Variants in LDB2 observed in about 807,000 individuals in gnomAD.
The protein encoded by LDB2 is LIM domain binding 2, also known as LIM domain-binding protein 2.
LDB2 carries 12 observed loss-of-function variants against 44.3 expected under a neutral mutation model. That is an observed-to-expected ratio of 0.27 (90% confidence interval 0.17 to 0.44). The LOEUF (loss-of-function observed/expected upper bound fraction) is 0.44. Ranked by LOEUF, LDB2 falls within the 20% of genes least tolerant of loss-of-function variation. The probability of loss-of-function intolerance (pLI) is 1.00; values close to 1 mark genes in which losing one functional copy is unlikely to be tolerated. For missense variants in LDB2, 344 were observed against 473.5 expected (o/e 0.73, Z 2.54); for synonymous variants, 164 against 174.8 (o/e 0.94, Z 0.49).
chr4:16,644,636 G>A (rs1736178962), intron 2 of LDB2, among the ~76,000 whole-genome samples: 1 of 151,974 alleles, frequency 6.6e-6, no homozygotes, highest in Non-Finnish European at 1.5e-5. Flanking sequence ...CACCATGTTG[G>A]CCAGGCTAGT....
intron 5 of LDB2, among the ~76,000 whole-genome samples, chr4:16,584,774 G>A (rs572876962): frequency 4.2e-4 from 64 of 152,198 alleles, no homozygotes; most frequent in Non-Finnish European, 3.4e-4. Context: ...ACCACAAGGT[G>A]AAAGTCAACC....
intron 2 of LDB2, chr4:16,674,440 A>G (rs547193114): frequency 4.7e-6 from 2 of 425,102 alleles, no homozygotes; most frequent in African/African-American, 4.1e-5. Flanking sequence ...CCCATCATTC[A>G]TTGAGTGTCC....
chr4:16,763,570 G>A (rs1768474307), intron 1 of LDB2, among the ~76,000 whole-genome samples: 1 of 152,078 alleles, frequency 6.6e-6, no homozygotes, highest in African/African-American at 2.4e-5. Context: ...ATTACTAAGT[G>A]TTGGGTATAG....
chr4:16,805,530 GGTCCACTTT>G (rs1778618286), intron 1 of LDB2, among the ~76,000 whole-genome samples: 1 of 152,154 alleles, frequency 6.6e-6, no homozygotes, highest in African/African-American at 2.4e-5. Flanking sequence ...ACAGGCTCAT[GGTCCACTTT>G]CTTGATTGGA....
chr4:16,896,250 C>T (rs934149677), intron 1 of LDB2, among the ~76,000 whole-genome samples: 1 of 152,134 alleles, frequency 6.6e-6, no homozygotes, highest in Non-Finnish European at 1.5e-5. Flanking sequence ...AGAGCTAAAT[C>T]TTTAAAAGTA....
At chr4:16,658,544 A>T (rs1307906010) in intron 2 of LDB2, among the ~76,000 whole-genome samples, 1 of 150,708 alleles carries the variant, frequency 6.6e-6, no homozygotes, top group Non-Finnish European at 1.5e-5. Context: ...TCTAGATCTG[A>T]TTTTTTTTTT....
intron 1 of LDB2, among the ~76,000 whole-genome samples, chr4:16,836,334 T>C (rs1784880009): frequency 6.6e-6 from 1 of 152,150 alleles, no homozygotes; most frequent in African/African-American, 2.4e-5. Context: ...AGGATAAACA[T>C]GGATAATGGG....
intron 1 of LDB2, among the ~76,000 whole-genome samples, chr4:16,874,756 G>C (rs554211736): frequency 6.6e-6 from 1 of 152,172 alleles, no homozygotes; most frequent in Non-Finnish European, 1.5e-5. Flanking sequence ...GTTATACTAC[G>C]TGGAAAATCG....
intron 2 of LDB2, among the ~76,000 whole-genome samples, chr4:16,663,155 T>C (rs1379682667): frequency 6.6e-6 from 1 of 152,136 alleles, no homozygotes; most frequent in East Asian, 1.9e-4. Context: ...CATATGGAAT[T>C]TTTCTGGGCA....
intron 2 of LDB2, among the ~76,000 whole-genome samples, chr4:16,599,113 CTGT>C (rs1721869857): frequency 6.6e-6 from 1 of 152,096 alleles, no homozygotes. Flanking sequence ...TATTAGTTTC[CTGT>C]TGTTGCTGTA....
At chr4:16,825,174 C>T (rs1782824361) in intron 1 of LDB2, among the ~76,000 whole-genome samples, 2 of 152,096 alleles carry the variant, frequency 1.3e-5, no homozygotes, top group South Asian at 2.1e-4. Flanking sequence ...AAGGAAGCGA[C>T]CTGTTTCATA....
chr4:16,638,433 G>A (rs1734212476), intron 2 of LDB2, among the ~76,000 whole-genome samples: 1 of 152,216 alleles, frequency 6.6e-6, no homozygotes, highest in African/African-American at 2.4e-5. Flanking sequence ...GAGCTTAGAA[G>A]TCACCTTGTC....
chr4:16,779,615 T>C (rs1223168621), intron 1 of LDB2, among the ~76,000 whole-genome samples: 1 of 152,138 alleles, frequency 6.6e-6, no homozygotes, highest in Non-Finnish European at 1.5e-5. Context: ...TCCTCATATA[T>C]TTGAAGGACA....
chr4:16,856,111 G>C (rs1025323633), intron 1 of LDB2, among the ~76,000 whole-genome samples: 1 of 152,018 alleles, frequency 6.6e-6, no homozygotes, highest in Non-Finnish European at 1.5e-5. Flanking sequence ...ACAAATCAGC[G>C]GAGTGAATGC....
rs1212179463 is a variant in LDB2, at chr4:16,501,744, C to A, written c.*899G>T. ...AAAACGAAAAGTCCCCATAAAAGAA[C>A]CAGGTGAGAGCTTTACAAAATATCA... is the stretch of plus-strand genomic sequence containing the variant. On this transcript the variant is annotated 3_prime_UTR_variant, in exon 8 of 8. Coordinates refer to ENST00000304523, the MANE Select transcript of LDB2 (RefSeq NM_001290.5). 6.6e-6 allele frequency: 1 copy of A among 152,452 alleles called. No individual in the cohort carries two copies. Among genetic ancestry groups the A allele is most frequent in the Non-Finnish European group, 1.5e-5 (1 of 68,006 alleles). 9.4% of individuals were successfully genotyped at this position (152,452 alleles called of 1,614,324 possible).
chr4:16,798,641 T>C (rs1777184946), intron 1 of LDB2, among the ~76,000 whole-genome samples: 1 of 152,134 alleles, frequency 6.6e-6, no homozygotes, highest in Admixed American at 6.5e-5. Context: ...TAAAGGCCAG[T>C]AACCAGTGGA....
At chr4:16,747,250 A>T (rs371038883) in intron 2 of LDB2, among the ~76,000 whole-genome samples, 3 of 152,324 alleles carry the variant, frequency 2.0e-5, no homozygotes, top group African/African-American at 7.2e-5. Context: ...CCTGAATAAT[A>T]ACTCTCATAA....
At chr4:16,794,698 CTAT>C (rs989088121) in intron 1 of LDB2, among the ~76,000 whole-genome samples, 1 of 152,126 alleles carries the variant, frequency 6.6e-6, no homozygotes, top group Admixed American at 6.5e-5. Flanking sequence ...ATGATGTTAC[CTAT>C]TATTAGGTTG....
intron 6 of LDB2, 48 bp from the exon 7 acceptor site, chr4:16,508,734 C>G (rs759340834): frequency 6.3e-7 from 1 of 1,576,804 alleles, no homozygotes; most frequent in South Asian, 1.2e-5. Flanking sequence ...GCAAAAGCAA[C>G]AAGGCAATCA....
Sources: allele counts gnomAD v4.1 joint callset (sites outside exome capture counted in the v4.1 genomes callset), GRCh38; gene constraint gnomAD v4.1.1; transcripts MANE v1.5; gene names NCBI Gene and HGNC (gene_info 2026-07-23, HGNC 2026-07-21).